Variants in FHOD3 observed in about 807,000 individuals in gnomAD.
FHOD3 encodes FH1/FH2 domain-containing protein 3.
FHOD3 carries 90 observed loss-of-function variants against 173.0 expected under a neutral mutation model. The observed-to-expected ratio is 0.52, with a 90% confidence interval of 0.44 to 0.62. The LOEUF (loss-of-function observed/expected upper bound fraction) is 0.62, where lower values mean the gene tolerates loss of function less well. Ranked by LOEUF, FHOD3 falls within the 20% of genes least tolerant of loss-of-function variation. The pLI, the probability that FHOD3 is intolerant of heterozygous loss-of-function variation, is 0.00. For missense variants in FHOD3, 1,945 were observed against 2,034.7 expected (o/e 0.96, Z 0.85); for synonymous variants, 828 against 823.0 (o/e 1.01, Z -0.10).
Position 36,582,325 on chromosome 18 carries a change from A to C in FHOD3, c.606+5780A>C, listed in dbSNP as rs551046330. ...ACCCAAATATGGGGGTGAGAGCTGA[A>C]GACCTTTGTAAGTTACGTAATGTAA... On this transcript the variant is annotated intron_variant, in intron 6 of 28. Transcript: ENST00000590592. 5.3e-5 allele frequency among the ~76,000 whole-genome samples: 8 copies of C among 152,318 alleles called. No individual in the cohort carries two copies. The South Asian group carries it at 1.7e-3, about 32-fold the overall frequency.
chr18:36,385,251 T>C (rs769694239), intron 3 of FHOD3, among the ~76,000 whole-genome samples: 9 of 152,250 alleles, frequency 5.9e-5, no homozygotes, highest in Admixed American at 2.0e-4. Context: ...GATTTGAAAC[T>C]AGGTCAATAA....
chr18:36,612,002 C>T lies in FHOD3; in HGVS notation c.864C>T (p.Cys288=). 6.2e-7 allele frequency: 1 copy of T among 1,614,122 alleles called. No individual in the cohort carries two copies. The highest frequency in any genetic ancestry group is 8.5e-7 in the Non-Finnish European group (1 of 1,180,022). ...ACACCTTCTACGACGTCGTGGACTG[C>T]CTGGAGGAGCTGGGCATTGCTGCTG... ...DQDTFYDVVD[C]LEELGIAAVS... Residue 288 remains cysteine (C), a synonymous_variant, in exon 9 of 29, where the codon TGC becomes TGT. Coordinates refer to ENST00000590592, the MANE Select transcript of FHOD3 (RefSeq NM_001281740.3).
chr18:36,462,846 T>G (rs1365165359), intron 3 of FHOD3, among the ~76,000 whole-genome samples: 1 of 152,168 alleles, frequency 6.6e-6, no homozygotes, highest in East Asian at 1.9e-4. Context: ...CGATTAATCT[T>G]GAACTCCTGG....
Position 36,649,424 on chromosome 18 carries a change from T to G in FHOD3, c.1286+19T>G. On this transcript the variant is annotated intron_variant, in intron 11 of 28. Transcript: ENST00000590592. ...AGGACAGGTACCTAGGACTGGAGCCTCCCAAGCTCACACTAAAAGTGGGAG... is the reference window on the plus strand; with the variant it reads ...AGGACAGGTACCTAGGACTGGAGCCGCCCAAGCTCACACTAAAAGTGGGAG... 1 of 1,524,200 alleles carries G rather than the reference T, an allele frequency of 6.6e-7. No individual in the cohort carries two copies. Among genetic ancestry groups the G allele is most frequent in the Non-Finnish European group, 8.8e-7 (1 of 1,137,530 alleles). The allele number at this position is 1,524,200 out of a possible 1,614,324, so 94.4% of individuals were successfully genotyped here.
chr18:36,650,389 G>A (rs2035970829), intron 11 of FHOD3, among the ~76,000 whole-genome samples: 1 of 152,024 alleles, frequency 6.6e-6, no homozygotes, highest in African/African-American at 2.4e-5. Flanking sequence ...CATGCCCGGG[G>A]GTCATAGAAT....
intron 3 of FHOD3, among the ~76,000 whole-genome samples, chr18:36,499,622 T>A (rs2054925391): frequency 6.6e-6 from 1 of 152,168 alleles, no homozygotes; most frequent in South Asian, 2.1e-4. Flanking sequence ...GGAAGAAGTG[T>A]GATCACCCCA....
At chr18:36,424,128 C>A (rs1309661503) in intron 3 of FHOD3, among the ~76,000 whole-genome samples, 1 of 152,178 alleles carries the variant, frequency 6.6e-6, no homozygotes. Flanking sequence ...TTTTGAGCCA[C>A]ACCCATCCAC....
At chr18:36,553,064 C>G (rs184122439) in intron 5 of FHOD3, among the ~76,000 whole-genome samples, 4,584 of 152,224 alleles carry the variant, frequency 0.03, 138 homozygotes, top group Non-Finnish European at 0.04. Flanking sequence ...TTTTCTGCAT[C>G]TATTGAGATA....
chr18:36,312,289 G>T (rs1166326564), intron 1 of FHOD3, among the ~76,000 whole-genome samples: 2 of 151,892 alleles, frequency 1.3e-5, no homozygotes, highest in Non-Finnish European at 2.9e-5. Flanking sequence ...TTTGAATGTT[G>T]GCCTTTCTCA....
intron 3 of FHOD3, among the ~76,000 whole-genome samples, chr18:36,482,089 CATAAG>C (rs929783273): frequency 2.0e-5 from 3 of 151,948 alleles, no homozygotes; most frequent in Non-Finnish European, 4.4e-5. Context: ...ATACCCTATT[CATAAG>C]ATAAGAGGAA....
At chr18:36,678,939 G>A (rs2038053438) in intron 14 of FHOD3, among the ~76,000 whole-genome samples, 1 of 280 alleles carries the variant, frequency 3.6e-3, no homozygotes, top group Admixed American at 0.036. Context: ...ATGTAAAATG[G>A]GTTGTGGGAG....
intron 4 of FHOD3, 23 bp downstream of exon 4, chr18:36,502,022 C>T: frequency 6.5e-7 from 1 of 1,533,244 alleles, no homozygotes; most frequent in South Asian, 1.2e-5. Context: ...AAAATAAGTA[C>T]TTACCTGTTT....
At chr18:36,756,259 A>C (rs924921108) in intron 25 of FHOD3, among the ~76,000 whole-genome samples, 1 of 152,160 alleles carries the variant, frequency 6.6e-6, no homozygotes, top group African/African-American at 2.4e-5. Flanking sequence ...ACTCAACGAT[A>C]ATAAAGTCAT....
intron 21 of FHOD3, 65 bp from the exon 22 acceptor site, chr18:36,742,672 G>C (rs562067172): frequency 1.3e-6 from 2 of 1,545,276 alleles, no homozygotes; most frequent in Admixed American, 1.9e-5. Context: ...TATACAAAAA[G>C]TCAGAAGAAC....
chr18:36,675,391 C>T (rs1178470350), intron 14 of FHOD3, among the ~76,000 whole-genome samples: 3 of 151,766 alleles, frequency 2.0e-5, no homozygotes, highest in South Asian at 2.1e-4. Context: ...TCTATTTTAT[C>T]CTCTCACACT....
At chr18:36,595,990 C>T (rs1185179352) in intron 7 of FHOD3, among the ~76,000 whole-genome samples, 4 of 152,138 alleles carry the variant, frequency 2.6e-5, no homozygotes, top group Non-Finnish European at 5.9e-5. Flanking sequence ...CTAGTTTCAA[C>T]AAAGATAATC....
intron 1 of FHOD3, 128 bp downstream of exon 1, chr18:36,298,128 C>T (rs2091847989): frequency 1.3e-6 from 1 of 785,544 alleles, no homozygotes; most frequent in Middle Eastern, 4.0e-4. Context: ...GACCATCGCT[C>T]GAGGGCAAAT....
chr18:36,718,518 A>G lies in FHOD3; in HGVS notation c.3220A>G (p.Arg1074Gly). The part of the protein sequence containing the change: ...PQGLGWSQVP[R>G]GQPTFTKKKK... ...GGGCTTAGGGTGGTCCCAGGTACCC[A>G]GGGGTCAGCCCACATTCACTAAGAA... The change falls in exon 19 of 29, where the codon AGG becomes GGG. Residue 1074 changes from arginine (R) to glycine (G), a missense_variant. Physicochemically the swap from Arg to Gly is moderately radical, Grantham distance 125 (BLOSUM62 -2). This residue lies in a region of FHOD3 where 1,099 missense variants were observed against 1,051.2 expected (regional missense o/e 1.05). Coordinates refer to ENST00000590592, the MANE Select transcript of FHOD3 (RefSeq NM_001281740.3). 1 of 1,613,128 alleles carries G rather than the reference A, an allele frequency of 6.2e-7. No homozygotes were observed. Among genetic ancestry groups the G allele is most frequent in the Non-Finnish European group, 8.5e-7 (1 of 1,179,904 alleles).
intron 28 of FHOD3, among the ~76,000 whole-genome samples, chr18:36,775,942 G>A (rs569942028): frequency 3.6e-4 from 55 of 152,282 alleles, no homozygotes; most frequent in East Asian, 1.9e-4. Flanking sequence ...AGGGGAGGCC[G>A]TCCCGTGGGA....
Sources: gnomAD v4.1 joint callset for allele counts (sites outside exome capture counted in the v4.1 genomes callset) on GRCh38, gnomAD v4.1.1 for gene constraint, gnomAD v4.1.1 regional missense constraint, MANE v1.5 for transcripts, NCBI Gene and HGNC (gene_info 2026-07-23, HGNC 2026-07-21) for gene names.